Variants in ST18 observed in about 807,000 individuals in gnomAD.
ST18 encodes ST18 C2H2C-type zinc finger transcription factor.
ST18 carries 50 observed loss-of-function variants against 110.0 expected under a neutral mutation model. The observed-to-expected ratio is 0.45, with a 90% CI of 0.36 to 0.58. ST18 has a LOEUF of 0.58. Among genes scored for constraint, ST18 ranks in the 20% least tolerant of loss-of-function variants. The pLI, the probability that ST18 is intolerant of heterozygous loss-of-function variation, is 0.00. For synonymous variants in ST18, 461 were observed against 452.4 expected, an observed-to-expected ratio of 1.02 and a Z score of -0.24; for missense variants, 1,306 against 1,280.1, an observed-to-expected ratio of 1.02 and a Z score of -0.31.
intron 2 of ST18, among the ~76,000 whole-genome samples, chr8:52,352,238 G>A (rs1019011893): frequency 6.6e-6 from 1 of 152,150 alleles, no homozygotes; most frequent in Admixed American, 6.5e-5. Flanking sequence ...AAACAATGGA[G>A]ATAAAGTCAG....
intron 2 of ST18, among the ~76,000 whole-genome samples, chr8:52,308,491 A>G (rs2095849507): frequency 6.6e-6 from 1 of 152,240 alleles, no homozygotes; most frequent in Non-Finnish European, 1.5e-5. Flanking sequence ...GCCACAGCTC[A>G]AAGACAGCTT....
intron 2 of ST18, among the ~76,000 whole-genome samples, chr8:52,287,205 G>T (rs1291410200): frequency 6.6e-6 from 1 of 152,050 alleles, no homozygotes; most frequent in East Asian, 1.9e-4. Flanking sequence ...AAAAATGATG[G>T]TCATCCCCAA....
At chr8:52,387,341 T>G (rs758100298) in intron 2 of ST18, among the ~76,000 whole-genome samples, 1 of 152,336 alleles carries the variant, frequency 6.6e-6, no homozygotes. Flanking sequence ...AATCTTTGTT[T>G]TGGCAAAAGG....
chr8:52,210,776 G>A (rs111227996), intron 8 of ST18, among the ~76,000 whole-genome samples: 83 of 152,268 alleles, frequency 5.5e-4, no homozygotes, highest in African/African-American at 2.0e-3. Flanking sequence ...ATTCCACAGA[G>A]AAGAGTATCT....
intron 10 of ST18, among the ~76,000 whole-genome samples, chr8:52,167,452 G>T (rs2063387384): frequency 6.6e-6 from 1 of 152,256 alleles, no homozygotes; most frequent in African/African-American, 2.4e-5. Context: ...GGCCCTGCAG[G>T]TCCTTGGGCT....
rs35639924 is a variant in ST18, at chr8:52,379,102, C to CTTTTT, written c.-465+30221_-465+30225dup. 1.4e-5 allele frequency among the ~76,000 whole-genome samples: 2 copies of CTTTTT among 145,666 alleles called. 1 individual carries two copies. On this transcript the variant is annotated intron_variant, in intron 2 of 25. Transcript: ENST00000689386. ...AGAATAAAATCTATTTCTTTTCTTT[C>CTTTTT]TTTTTTTTTTTTTTGAGACAGGGTC...
intron 2 of ST18, among the ~76,000 whole-genome samples, chr8:52,400,362 C>T (rs1331757073): frequency 6.6e-6 from 1 of 152,080 alleles, no homozygotes; most frequent in Non-Finnish European, 1.5e-5. Context: ...TTCATTTAGA[C>T]ACCCTCTGCC....
chr8:52,348,722 C>G (rs1399209044), intron 2 of ST18, among the ~76,000 whole-genome samples: 1 of 151,634 alleles, frequency 6.6e-6, no homozygotes, highest in African/African-American at 2.4e-5. Context: ...TCAGCCTGAG[C>G]AAAAAAATGC....
At position 52,168,413 on chromosome 8, in the gene ST18, T is replaced by C. The variant is rs909603447; in HGVS notation, c.1070-1427A>G. ...CGGGATGCGACAGACATTTCCGGGG[T>C]GCTGTATTGTGAGAGCAGACGTGCC... On this transcript the variant is annotated intron_variant, in intron 10 of 25. Coordinates refer to ENST00000689386, the MANE Select transcript of ST18 (RefSeq NM_001352837.2). Among the ~76,000 whole-genome samples the C allele has an allele frequency of 6.6e-5, 10 of 151,554 alleles. 1 individual carries two copies.
At chr8:52,379,027 A>G (rs1483530389) in intron 2 of ST18, among the ~76,000 whole-genome samples, 3 of 152,176 alleles carry the variant, frequency 2.0e-5, no homozygotes, top group African/African-American at 7.2e-5. Flanking sequence ...AAATTTTACT[A>G]CAGATGAAAT....
intron 2 of ST18, among the ~76,000 whole-genome samples, chr8:52,272,522 C>T (rs569100067): frequency 2.8e-5 from 4 of 142,396 alleles, no homozygotes; most frequent in Admixed American, 1.3e-4. Context: ...GAGACATCAC[C>T]TCACACCTGT....
chr8:52,379,254 C>T (rs1269339319), intron 2 of ST18, among the ~76,000 whole-genome samples: 11 of 151,796 alleles, frequency 7.2e-5, no homozygotes, highest in African/African-American at 1.5e-4. Flanking sequence ...TGCACGGTTA[C>T]GCCCAGCTAA....
At chr8:52,125,856 A>T in intron 23 of ST18, 196 bp downstream of exon 23, 1 of 544,454 alleles carries the variant, frequency 1.8e-6, no homozygotes. Flanking sequence ...ATCACTCCTT[A>T]TTTAAAAATA....
intron 2 of ST18, among the ~76,000 whole-genome samples, chr8:52,251,264 A>G (rs2094291626): frequency 1.3e-5 from 2 of 152,162 alleles, no homozygotes; most frequent in Admixed American, 6.6e-5. Flanking sequence ...GTTAAGTGCT[A>G]AATACTTACC....
chr8:52,137,718 C>T (rs1250042692), intron 17 of ST18: 1 of 461,364 alleles, frequency 2.2e-6, no homozygotes, highest in Non-Finnish European at 3.8e-6. Flanking sequence ...GTTTCAACAT[C>T]ACATTCGATT....
intron 2 of ST18, among the ~76,000 whole-genome samples, chr8:52,243,882 GGA>G (rs1489161983): frequency 6.6e-6 from 1 of 151,896 alleles, no homozygotes; most frequent in South Asian, 2.1e-4. Context: ...AAAGAGAGAG[GGA>G]GAGAGAGGGA....
chr8:52,363,489 A>G (rs1393018490), intron 2 of ST18, among the ~76,000 whole-genome samples: 1 of 152,178 alleles, frequency 6.6e-6, no homozygotes, highest in Non-Finnish European at 1.5e-5. Context: ...CACACCATAG[A>G]GAGCTCTATG....
chr8:52,347,750 A>T (rs1818405490), intron 2 of ST18, among the ~76,000 whole-genome samples: 1 of 152,178 alleles, frequency 6.6e-6, no homozygotes, highest in Non-Finnish European at 1.5e-5. Flanking sequence ...TGAGGCACAG[A>T]GATGTTAAAG....
At chr8:52,127,145 T>C (rs2047410571) in intron 22 of ST18, among the ~76,000 whole-genome samples, 1 of 152,190 alleles carries the variant, frequency 6.6e-6, no homozygotes, top group African/African-American at 2.4e-5. Flanking sequence ...TGAAAGAAAA[T>C]ATTTCTGAAG....
Sources: gnomAD v4.1 joint callset for allele counts (sites outside exome capture counted in the v4.1 genomes callset) on GRCh38, gnomAD v4.1.1 for gene constraint, MANE v1.5 for transcripts, NCBI Gene and HGNC (gene_info 2026-07-23, HGNC 2026-07-21) for gene names.